SIPA1L1: variants seen among roughly 807,000 people sequenced by gnomAD.
SIPA1L1 encodes signal-induced proliferation-associated 1-like protein 1.
SIPA1L1 carries 26 observed loss-of-function variants against 162.7 expected under a neutral mutation model. The ratio of observed to expected loss-of-function variants is 0.16; its 90% CI spans 0.12 to 0.22. The LOEUF is 0.22. Ranked by LOEUF, SIPA1L1 falls within the 10% of genes least tolerant of loss-of-function variation. The pLI, the probability that SIPA1L1 is intolerant of heterozygous loss-of-function variation, is 1.00. For missense variants in SIPA1L1, 1,874 were observed against 2,241.0 expected, an observed-to-expected ratio of 0.84 and a Z score of 3.31; for synonymous variants, 829 against 837.4, an observed-to-expected ratio of 0.99 and a Z score of 0.17.
intron 2 of SIPA1L1, among the ~76,000 whole-genome samples, chr14:71,381,854 AT>A (rs1367809661): frequency 1.3e-5 from 2 of 152,160 alleles, no homozygotes; most frequent in African/African-American, 4.8e-5. Flanking sequence ...TCTATGCCTA[AT>A]TCCTTTTTGA....
chr14:71,633,707 C>G (rs914471846), intron 7 of SIPA1L1, among the ~76,000 whole-genome samples: 5 of 152,164 alleles, frequency 3.3e-5, no homozygotes, highest in South Asian at 2.1e-4. Context: ...AAGCCCCTGT[C>G]CCCAGAGACA....
At chr14:71,415,343 A>G (rs1468160285) in intron 2 of SIPA1L1, among the ~76,000 whole-genome samples, 3 of 152,226 alleles carry the variant, frequency 2.0e-5, no homozygotes, top group African/African-American at 7.2e-5. Flanking sequence ...TCCCAGCATC[A>G]TTCTTCTTTA....
intron 2 of SIPA1L1, among the ~76,000 whole-genome samples, chr14:71,481,719 C>A (rs542280263): frequency 2.3e-4 from 35 of 152,142 alleles, no homozygotes; most frequent in Admixed American, 2.1e-3. Context: ...AGTAGAAAAC[C>A]ATTAAAAATT....
intron 2 of SIPA1L1, among the ~76,000 whole-genome samples, chr14:71,433,800 A>G (rs2044181116): frequency 1.3e-5 from 2 of 152,192 alleles, no homozygotes; most frequent in Non-Finnish European, 2.9e-5. Context: ...ATCCAAGGCA[A>G]TTTCATAGTT....
intron 2 of SIPA1L1, among the ~76,000 whole-genome samples, chr14:71,357,491 C>T (rs1443070475): frequency 6.6e-6 from 1 of 152,174 alleles, no homozygotes; most frequent in Non-Finnish European, 1.5e-5. Flanking sequence ...CTCCTGGATT[C>T]CCCATACTGG....
intron 5 of SIPA1L1, among the ~76,000 whole-genome samples, chr14:71,594,690 T>C (rs1381046875): frequency 1.3e-5 from 2 of 152,242 alleles, no homozygotes; most frequent in African/African-American, 2.4e-5. Flanking sequence ...TTTATACATA[T>C]ATAATAATTG....
intron 2 of SIPA1L1, among the ~76,000 whole-genome samples, chr14:71,468,044 GTGTC>G (rs1174289562): frequency 3.6e-4 from 53 of 145,582 alleles, no homozygotes; most frequent in African/African-American, 1.1e-3. Context: ...GTGTGTGTGT[GTGTC>G]TGTCTGTGTC....
At chr14:71,550,734 T>C (rs2055740046) in intron 4 of SIPA1L1, among the ~76,000 whole-genome samples, 1 of 152,100 alleles carries the variant, frequency 6.6e-6, no homozygotes, top group South Asian at 2.1e-4. Flanking sequence ...TTTTCTGATA[T>C]TTCCACCTTT....
At chr14:71,633,009 A>G (rs2040737790) in intron 7 of SIPA1L1, among the ~76,000 whole-genome samples, 1 of 152,190 alleles carries the variant, frequency 6.6e-6, no homozygotes, top group Non-Finnish European at 1.5e-5. Flanking sequence ...AAATTTGATC[A>G]ACACATGCCA....
intron 4 of SIPA1L1, among the ~76,000 whole-genome samples, chr14:71,544,163 G>C (rs144513160): frequency 6.8e-6 from 1 of 146,214 alleles, no homozygotes; most frequent in Non-Finnish European, 1.5e-5. Flanking sequence ...GTGTGTATAT[G>C]TACATATATG....
rs1386007306 is a variant in SIPA1L1 at position 71,650,514 on chromosome 14, G to C, written c.1993+5G>C. ...GAGCACAGCTTGATACCAAAAGTAA[G>C]AAATACTTACACCCTCCTACTAGGC... On this transcript the variant is annotated splice_donor_5th_base_variant and intron_variant, in intron 8 of 23. Coordinates refer to ENST00000381232, the MANE Select transcript of SIPA1L1 (RefSeq NM_001386936.1). 6.2e-7 allele frequency: 1 copy of C among 1,613,652 alleles called. No individual in the cohort carries two copies. Among genetic ancestry groups the C allele is most frequent in the Non-Finnish European group, 8.5e-7 (1 of 1,179,638 alleles).
At chr14:71,465,528 C>A (rs945968094) in intron 2 of SIPA1L1, among the ~76,000 whole-genome samples, 1 of 152,184 alleles carries the variant, frequency 6.6e-6, no homozygotes, top group African/African-American at 2.4e-5. Context: ...GTGTCAAATG[C>A]ATTTATTTTG....
Position 71,571,899 on chromosome 14 carries a change from G to A in SIPA1L1, c.-302-15672G>A, listed in dbSNP as rs1318899505. ...GATCTCCTGACCTCATGATCCGCTC[G>A]CTTCAGCCTCCCAAAGTGCTGGGAT... On this transcript the variant is annotated intron_variant, in intron 4 of 23. Coordinates refer to ENST00000381232, the MANE Select transcript of SIPA1L1 (RefSeq NM_001386936.1). Among the ~76,000 whole-genome samples, 7 of 150,816 alleles carry A rather than the reference G, an allele frequency of 4.6e-5. No individual in the cohort carries two copies. The South Asian group carries it at 1.3e-3, about 27-fold the overall frequency.
At chr14:71,366,716 G>A (rs911131811) in intron 2 of SIPA1L1, among the ~76,000 whole-genome samples, 14 of 152,094 alleles carry the variant, frequency 9.2e-5, no homozygotes, top group Non-Finnish European at 2.1e-4. Context: ...GATTACAGGC[G>A]TGTGGCTCTG....
intron 2 of SIPA1L1, among the ~76,000 whole-genome samples, chr14:71,408,457 A>G (rs2042176856): frequency 6.6e-6 from 1 of 152,214 alleles, no homozygotes; most frequent in Non-Finnish European, 1.5e-5. Context: ...TCAGAATAAA[A>G]GAAAACAAAA....
At chr14:71,602,923 A>G (rs141211258) in intron 5 of SIPA1L1, among the ~76,000 whole-genome samples, 5 of 152,234 alleles carry the variant, frequency 3.3e-5, no homozygotes, top group African/African-American at 1.2e-4. Context: ...ATTGTCTTCC[A>G]TGAAACCTGT....
chr14:71,410,287 T>C (rs751049736), intron 2 of SIPA1L1, among the ~76,000 whole-genome samples: 2 of 152,222 alleles, frequency 1.3e-5, no homozygotes, highest in Non-Finnish European at 2.9e-5. Flanking sequence ...AGTAGGCTTT[T>C]AGTTTACTTT....
chr14:71,475,805 A>G (rs1212517211), intron 2 of SIPA1L1, among the ~76,000 whole-genome samples: 1 of 152,210 alleles, frequency 6.6e-6, no homozygotes, highest in Non-Finnish European at 1.5e-5. Context: ...TTGCCCTTTT[A>G]ATGGTTATTA....
chr14:71,738,161 T>TGAA, intron 22 of SIPA1L1, 80 bp from the exon 23 acceptor site: 1 of 365,742 alleles, frequency 2.7e-6, no homozygotes. Flanking sequence ...CTCCTCAGAG[T>TGAA]AAAAAAAAAA....
Sources: gnomAD v4.1 joint callset for allele counts (sites outside exome capture counted in the v4.1 genomes callset) on GRCh38, gnomAD v4.1.1 for gene constraint, MANE v1.5 for transcripts, NCBI Gene and HGNC (gene_info 2026-07-23, HGNC 2026-07-21) for gene names.